Variants in SEPTIN9 observed in about 807,000 individuals in gnomAD.
SEPTIN9 encodes septin-9.
In SEPTIN9, 13 loss-of-function variants were observed where a neutral mutation model predicts 56.6. The ratio of observed to expected loss-of-function variants is 0.23; its 90% CI spans 0.15 to 0.37. SEPTIN9 has a LOEUF of 0.37. SEPTIN9 is among the 10% of genes least tolerant of loss of function. SEPTIN9 has a pLI of 1.00. For missense variants in SEPTIN9, 650 were observed against 823.1 expected, an observed-to-expected ratio of 0.79 and a Z score of 2.57; for synonymous variants, 332 against 334.1, an observed-to-expected ratio of 0.99 and a Z score of 0.07.
chr17:77,353,974 C>T (rs867723940), intron 2 of SEPTIN9, among the ~76,000 whole-genome samples: 1 of 152,132 alleles, frequency 6.6e-6, no homozygotes, highest in African/African-American at 2.4e-5. Context: ...TCCCTCTAGG[C>T]TGAAAGACTC....
intron 1 of SEPTIN9, chr17:77,287,905 A>T: frequency 1.9e-6 from 2 of 1,039,360 alleles, no homozygotes; most frequent in Non-Finnish European, 2.3e-6. Flanking sequence ...GGCGGCCCTT[A>T]GACCCAGGCT....
At chr17:77,287,233 C>G (rs553088939) in intron 1 of SEPTIN9, among the ~76,000 whole-genome samples, 2 of 152,334 alleles carry the variant, frequency 1.3e-5, no homozygotes, top group East Asian at 3.9e-4. Context: ...GCATGGGGAT[C>G]GTGTGTCACC....
chr17:77,410,235 C>G (rs2036244411), intron 3 of SEPTIN9, among the ~76,000 whole-genome samples: 1 of 152,132 alleles, frequency 6.6e-6, no homozygotes, highest in African/African-American at 2.4e-5. Flanking sequence ...CCCTGTCCCC[C>G]CATCCCACTG....
chr17:77,410,250 T>G (rs2144144371), intron 3 of SEPTIN9, among the ~76,000 whole-genome samples: 1 of 152,270 alleles, frequency 6.6e-6, no homozygotes, highest in East Asian at 1.9e-4. Flanking sequence ...CCACTGCTGC[T>G]ACTGGGTGTA....
intron 2 of SEPTIN9, chr17:77,373,319 C>G: frequency 2.6e-6 from 3 of 1,166,600 alleles, no homozygotes; most frequent in Non-Finnish European, 3.2e-6. Flanking sequence ...GAGGGGCCGG[C>G]GCCCGCCTTC....
At chr17:77,340,132 T>A (rs949825547) in intron 2 of SEPTIN9, among the ~76,000 whole-genome samples, 10 of 150,642 alleles carry the variant, frequency 6.6e-5, no homozygotes, top group African/African-American at 2.4e-4. Flanking sequence ...CTTGGCCCTT[T>A]TTTGTTTTTT....
rs2039170134 is a variant in SEPTIN9 at position 77,475,493 on chromosome 17, T to C, written c.722-6651T>C. 1 of 1,598,660 alleles carries C rather than the reference T, an allele frequency of 6.3e-7. No individual in the cohort carries two copies. Among genetic ancestry groups the C allele is most frequent in the South Asian group, 1.1e-5 (1 of 89,972 alleles). On this transcript the variant is annotated intron_variant, in intron 3 of 11. Transcript: ENST00000427177. The surrounding 1 kb of genome is among the most constrained non-coding windows in gnomAD (Gnocchi z 4.6). ...TTTGTGGGGGACAGGGAGCATCTGTTAGTTTATAGGACCTGAAGTGCCCCC... is the reference window on the plus strand; with the variant it reads ...TTTGTGGGGGACAGGGAGCATCTGTCAGTTTATAGGACCTGAAGTGCCCCC...
At chr17:77,483,227 CTG>C (rs1025806900) in intron 4 of SEPTIN9, 2 of 152,968 alleles carry the variant, frequency 1.3e-5, no homozygotes, top group African/African-American at 2.4e-5. Flanking sequence ...CTGCCCAGCT[CTG>C]TGGACGCAAA....
At chr17:77,455,968 C>T (rs935239959) in intron 3 of SEPTIN9, among the ~76,000 whole-genome samples, 4 of 152,162 alleles carry the variant, frequency 2.6e-5, no homozygotes, top group African/African-American at 9.7e-5. Flanking sequence ...AACACGATCT[C>T]CCCCGGGGCA....
In SEPTIN9 at chr17:77,400,893, G is replaced by T. The variant is rs1200627185; in HGVS notation, c.77-1166G>T. On this transcript the variant is annotated intron_variant, in intron 2 of 11. Coordinates refer to ENST00000427177, the MANE Select transcript of SEPTIN9 (RefSeq NM_001113491.2). The surrounding 1 kb of genome is among the most constrained non-coding windows in gnomAD (Gnocchi z 4.1). ...GAGTGCGGTTGTGGGGACTGTGGAG[G>T]TGGCAGCTTCCCAGGTACCATCCCC... Among the ~76,000 whole-genome samples, 1 of 152,162 alleles carries T rather than the reference G, an allele frequency of 6.6e-6. No homozygotes were observed. The highest frequency in any genetic ancestry group is 1.5e-5 in the Non-Finnish European group (1 of 68,024).
intron 3 of SEPTIN9, among the ~76,000 whole-genome samples, chr17:77,462,467 A>G (rs2038520981): frequency 6.6e-6 from 1 of 151,940 alleles, no homozygotes; most frequent in African/African-American, 2.4e-5. Flanking sequence ...TATTTTTTGT[A>G]GAGACAGGGT....
intron 2 of SEPTIN9, among the ~76,000 whole-genome samples, chr17:77,396,321 C>T (rs1342137593): frequency 6.6e-6 from 1 of 152,228 alleles, no homozygotes. Context: ...CTGTCCGGTG[C>T]TCCTCCCTGC....
At chr17:77,440,681 G>T (rs568029283) in intron 3 of SEPTIN9, among the ~76,000 whole-genome samples, 1 of 152,232 alleles carries the variant, frequency 6.6e-6, no homozygotes, top group African/African-American at 2.4e-5. Flanking sequence ...AAGGTGACGC[G>T]TGATCATCCG....
rs929345339 is a variant in SEPTIN9 at position 77,326,297 on chromosome 17, C to T, written c.76+19100C>T. Among the ~76,000 whole-genome samples the T allele has an allele frequency of 2.0e-5, 3 of 152,224 alleles. No individual in the cohort carries two copies. The highest frequency in any genetic ancestry group is 7.2e-5 in the African/African-American group (3 of 41,452). The stretch of plus-strand genomic sequence containing the variant: ...GGACAAAGCCAGACACAGTCCTTGC[C>T]CTCATGGGACTGCACAAGTGCAAGA... On this transcript the variant is annotated intron_variant, in intron 2 of 11. Coordinates refer to ENST00000427177, the MANE Select transcript of SEPTIN9 (RefSeq NM_001113491.2). This position sits in a 1 kb window ranked among gnomAD's most constrained non-coding sequence, Gnocchi z 5.1.
intron 2 of SEPTIN9, among the ~76,000 whole-genome samples, chr17:77,350,282 G>T (rs961279689): frequency 2.0e-4 from 30 of 152,214 alleles, no homozygotes; most frequent in Non-Finnish European, 3.4e-4. Context: ...GCAGCCCACA[G>T]CCCTGGGGTT....
Position 77,475,279 on chromosome 17 carries a change from G to A in SEPTIN9, c.722-6865G>A, listed in dbSNP as rs1598432470. 2.1e-6 allele frequency: 3 copies of A among 1,407,740 alleles called. No homozygotes were observed. Among genetic ancestry groups the A allele is most frequent in the East Asian group, 2.6e-5 (1 of 38,458 alleles). The allele number at this position is 1,407,740 out of a possible 1,614,324, so 87.2% of individuals were successfully genotyped here. A position where few individuals can be genotyped will look rare whatever the true frequency, so the allele number is the denominator to read the frequency against. On this transcript the variant is annotated intron_variant, in intron 3 of 11. Coordinates refer to ENST00000427177, the MANE Select transcript of SEPTIN9 (RefSeq NM_001113491.2). This position sits in a 1 kb window ranked among gnomAD's most constrained non-coding sequence, Gnocchi z 4.6. ...TGGGGAGACTGTCTGGACGCAGAGA[G>A]CAGGCTCTGTGTGGGAGCGGGGAGG...
chr17:77,463,713 G>C (rs2038584123), intron 3 of SEPTIN9, among the ~76,000 whole-genome samples: 1 of 152,010 alleles, frequency 6.6e-6, no homozygotes, highest in South Asian at 2.1e-4. Context: ...CGTGGTGGTA[G>C]GCACCTGTAA....
Position 77,318,194 on chromosome 17 carries a change from C to T in SEPTIN9, c.76+10997C>T, listed in dbSNP as rs563496454. Among the ~76,000 whole-genome samples, 637 of 152,268 alleles carry T rather than the reference C, an allele frequency of 4.2e-3. 7 individuals are homozygous for T. Among genetic ancestry groups the T allele is most frequent in the Non-Finnish European group, 3.5e-3 (237 of 68,016 alleles). ...AAAGGTTGGGGGCCACTGCCTTCAT[C>T]GCCTGCCCCTTTGAGCCTCTGGTGG... On this transcript the variant is annotated intron_variant, in intron 2 of 11. Transcript: ENST00000427177. This position sits in a 1 kb window ranked among gnomAD's most constrained non-coding sequence, Gnocchi z 4.9.
At chr17:77,469,611 G>T (rs2038891322) in intron 3 of SEPTIN9, 1 of 152,260 alleles carries the variant, frequency 6.6e-6, no homozygotes, top group Admixed American at 6.5e-5. Context: ...CCCCCAGGCG[G>T]TGTTCCAGAG....
Sources: allele counts gnomAD v4.1 joint callset (sites outside exome capture counted in the v4.1 genomes callset), GRCh38; gene constraint gnomAD v4.1.1; non-coding constraint Gnocchi (gnomAD v3.1); transcripts MANE v1.5; gene names NCBI Gene and HGNC (gene_info 2026-07-23, HGNC 2026-07-21).